The following RGS8 variants were observed in gnomAD, a reference collection of about 807,000 sequenced individuals.
RGS8 encodes regulator of G-protein signaling 8.
RGS8 carries 8 observed loss-of-function variants against 21.7 expected under a neutral mutation model. That is an observed-to-expected ratio of 0.37 (90% CI 0.22 to 0.66). The LOEUF is 0.66. Ranked by LOEUF, RGS8 falls within the 30% of genes least tolerant of loss-of-function variation. The pLI is 0.59. For missense variants in RGS8, 157 were observed against 217.9 expected, an observed-to-expected ratio of 0.72 and a Z score of 1.76; for synonymous variants, 80 against 83.6, an observed-to-expected ratio of 0.96 and a Z score of 0.24.
intron 1 of RGS8, among the ~76,000 whole-genome samples, chr1:182,680,069 G>T (rs991432619): frequency 6.6e-6 from 1 of 152,016 alleles, no homozygotes; most frequent in East Asian, 1.9e-4. Context: ...ATGTCCTTAC[G>T]GTCCTGGTTC....
At chr1:182,643,329 C>G (rs1397505723), downstream of RGS8, 6 of 114,756 alleles carry the variant, frequency 5.2e-5, no homozygotes, top group South Asian at 3.3e-4. Context: ...CCCAGCCCCC[C>G]CGCCCCCGCG....
chr1:182,658,307 A>C (rs531087148), intron 5 of RGS8: 88 of 152,348 alleles, frequency 5.8e-4, no homozygotes, highest in African/African-American at 2.1e-3. Flanking sequence ...CTTAGGTAAC[A>C]GTTCAAGGCC....
At chr1:182,734,161 T>C in the RGS8 span, among the ~76,000 whole-genome samples, 5 of 152,018 alleles carry the variant, frequency 3.3e-5, no homozygotes, top group African/African-American at 4.8e-5. Context: ...CCTCAGGCAA[T>C]CCGCCCGCCT....
the RGS8 span, among the ~76,000 whole-genome samples, chr1:182,732,461 T>C: frequency 1.9e-4 from 29 of 152,336 alleles, no homozygotes; most frequent in African/African-American, 6.3e-4. Flanking sequence ...AACTAGATGG[T>C]AGAATTTTAG....
At chr1:182,698,243 T>A in the RGS8 span, among the ~76,000 whole-genome samples, 9 of 152,258 alleles carry the variant, frequency 5.9e-5, no homozygotes, top group Admixed American at 5.9e-4. Flanking sequence ...GCTGGCATCA[T>A]CTGGTCATTG....
the RGS8 span, among the ~76,000 whole-genome samples, chr1:182,705,467 A>G: frequency 6.6e-6 from 1 of 152,216 alleles, no homozygotes; most frequent in African/African-American, 2.4e-5. Flanking sequence ...CTCAGAAGTA[A>G]TGTGTTACCA....
At chr1:182,659,827 A>G (rs201533048) in intron 5 of RGS8, among the ~76,000 whole-genome samples, 1 of 146,610 alleles carries the variant, frequency 6.8e-6, no homozygotes, top group Admixed American at 6.8e-5. Context: ...CAAAAAAAAA[A>G]GGGAATATAT....
chr1:182,707,358 A>G, the RGS8 span, among the ~76,000 whole-genome samples: 1 of 152,196 alleles, frequency 6.6e-6, no homozygotes, highest in Non-Finnish European at 1.5e-5. Context: ...TGCAGCCAAC[A>G]GTGGTTTGAG....
chr1:182,730,170 C>T, the RGS8 span, among the ~76,000 whole-genome samples: 3 of 152,206 alleles, frequency 2.0e-5, no homozygotes, highest in Non-Finnish European at 4.4e-5. Context: ...CTTCCAATAT[C>T]TTCAACCCTG....
chr1:182,690,026 T>C, the RGS8 span, among the ~76,000 whole-genome samples: 2 of 152,110 alleles, frequency 1.3e-5, no homozygotes, highest in Non-Finnish European at 2.9e-5. Flanking sequence ...GGCTCTAGGG[T>C]CAGAGAGGTA....
chr1:182,744,674 G>A, the RGS8 span, among the ~76,000 whole-genome samples: 1 of 152,196 alleles, frequency 6.6e-6, no homozygotes, highest in Non-Finnish European at 1.5e-5. Context: ...TGCTATACAG[G>A]TTTGTTGCCT....
chr1:182,721,048 T>TATATATAC, the RGS8 span, among the ~76,000 whole-genome samples: 1 of 70,754 alleles, frequency 1.4e-5, no homozygotes, highest in East Asian at 4.2e-4. Flanking sequence ...TACATATACA[T>TATATATAC]ACATATATAT....
chr1:182,741,794 G>A, the RGS8 span, among the ~76,000 whole-genome samples: 2 of 100,630 alleles, frequency 2.0e-5, no homozygotes, highest in African/African-American at 6.9e-5. Context: ...GGCTGGCCGC[G>A]CAGAGGGGCT....
chr1:182,703,217 G>A, the RGS8 span, among the ~76,000 whole-genome samples: 3 of 152,188 alleles, frequency 2.0e-5, no homozygotes, highest in South Asian at 4.1e-4. Context: ...AGGGAAAGGG[G>A]CATTTTCTCC....
the RGS8 span, among the ~76,000 whole-genome samples, chr1:182,716,126 G>GT: frequency 0.071 from 10,418 of 146,008 alleles, 556 homozygotes; most frequent in African/African-American, 0.14. Context: ...CTGTTTTTTG[G>GT]TTTTTTTTTT....
At chr1:182,720,382 C>T in the RGS8 span, among the ~76,000 whole-genome samples, 3 of 152,072 alleles carry the variant, frequency 2.0e-5, no homozygotes, top group Non-Finnish European at 4.4e-5. Context: ...GCTTTATGAC[C>T]CCAAATGCCT....
intron 5 of RGS8, among the ~76,000 whole-genome samples, chr1:182,654,402 ACAG>A (rs1452833309): frequency 6.6e-6 from 1 of 152,228 alleles, no homozygotes; most frequent in Non-Finnish European, 1.5e-5. Flanking sequence ...ATAGAGAAAA[ACAG>A]CAAGAAAAGG....
upstream of RGS8, among the ~76,000 whole-genome samples, chr1:182,689,270 C>G (rs903688569): frequency 8.1e-6 from 1 of 123,084 alleles, no homozygotes; most frequent in African/African-American, 3.7e-5. Context: ...CACAGACACA[C>G]ACACACACAC....
At chr1:182,741,898 TC>T in the RGS8 span, among the ~76,000 whole-genome samples, 1 of 138,386 alleles carries the variant, frequency 7.2e-6, no homozygotes, top group Non-Finnish European at 1.6e-5. Flanking sequence ...CCCACCTCCC[TC>T]CCGGAGGAGG....
Sources: gnomAD v4.1 joint callset for allele counts (sites outside exome capture counted in the v4.1 genomes callset) on GRCh38, gnomAD v4.1.1 for gene constraint, MANE v1.5 for transcripts, NCBI Gene and HGNC (gene_info 2026-07-23, HGNC 2026-07-21) for gene names.